The following CAST variants were observed in gnomAD, a reference collection of about 807,000 sequenced individuals.
CAST encodes calpastatin.
CAST carries 76 observed loss-of-function variants against 119.6 expected under a neutral mutation model. The observed-to-expected ratio is 0.64, with a 90% CI of 0.53 to 0.77. The LOEUF (loss-of-function observed/expected upper bound fraction) is 0.77. Among genes scored for constraint, CAST ranks in the 30% least tolerant of loss-of-function variants. The pLI is 0.00. For missense variants in CAST, 953 were observed against 946.5 expected, an observed-to-expected ratio of 1.01 and a Z score of -0.09; for synonymous variants, 319 against 331.6, an observed-to-expected ratio of 0.96 and a Z score of 0.41.
chr5:96,478,366 A>G, the CAST span, among the ~76,000 whole-genome samples: 1,084 of 152,372 alleles, frequency 7.1e-3, 8 homozygotes, highest in Non-Finnish European at 9.5e-3. Context: ...TAGTCCACCG[A>G]CATTGTATGA....
intron 1 of CAST, among the ~76,000 whole-genome samples, chr5:96,619,968 T>C (rs1309816885): frequency 6.6e-6 from 1 of 152,224 alleles, no homozygotes; most frequent in Non-Finnish European, 1.5e-5. Context: ...AGTTTCCACT[T>C]CTGTAAAATA....
At chr5:96,575,398 C>A (rs1229126198) in intron 1 of CAST, among the ~76,000 whole-genome samples, 1 of 151,960 alleles carries the variant, frequency 6.6e-6, no homozygotes, top group Non-Finnish European at 1.5e-5. Flanking sequence ...ATTTCTTTTT[C>A]TCAACTTATT....
chr5:96,628,388 G>A (rs1189081455), intron 1 of CAST, among the ~76,000 whole-genome samples: 1 of 152,224 alleles, frequency 6.6e-6, no homozygotes, highest in African/African-American at 2.4e-5. Context: ...TTCACATTGT[G>A]TAGATGAACT....
chr5:96,294,511 G>A, the CAST span, among the ~76,000 whole-genome samples: 1 of 152,144 alleles, frequency 6.6e-6, no homozygotes, highest in African/African-American at 2.4e-5. Flanking sequence ...GCTTTTCTCT[G>A]TCTACACAGA....
At chr5:96,079,281 A>G in the CAST span, 3 of 344,684 alleles carry the variant, frequency 8.7e-6, no homozygotes, top group South Asian at 7.1e-5. Flanking sequence ...CACTTACCAA[A>G]TGGCATCAGG....
chr5:96,362,343 A>G, the CAST span, among the ~76,000 whole-genome samples: 3 of 152,216 alleles, frequency 2.0e-5, no homozygotes, highest in Non-Finnish European at 4.4e-5. Flanking sequence ...CTTTGGGTAT[A>G]TCCCCAGTAA....
intron 2 of CAST, among the ~76,000 whole-genome samples, chr5:96,694,475 C>A (rs907499705): frequency 4.6e-5 from 7 of 152,006 alleles, no homozygotes; most frequent in Non-Finnish European, 1.0e-4. Flanking sequence ...ACTAAATATA[C>A]AAAAAATTAG....
At chr5:96,351,515 T>C in the CAST span, among the ~76,000 whole-genome samples, 1 of 152,260 alleles carries the variant, frequency 6.6e-6, no homozygotes, top group Admixed American at 6.5e-5. Context: ...GGAAATGTAT[T>C]ATAAGCAAGA....
At chr5:95,992,182 A>G in the CAST span, among the ~76,000 whole-genome samples, 1 of 152,226 alleles carries the variant, frequency 6.6e-6, no homozygotes, top group Non-Finnish European at 1.5e-5. Flanking sequence ...AAGGGAAATT[A>G]AAGAAAATTC....
At chr5:96,437,613 T>C in the CAST span, among the ~76,000 whole-genome samples, 1 of 152,214 alleles carries the variant, frequency 6.6e-6, no homozygotes, top group Non-Finnish European at 1.5e-5. Flanking sequence ...AGCTCCTTGC[T>C]TCTCAAAGTC....
chr5:96,514,273 C>T, the CAST span, among the ~76,000 whole-genome samples: 5 of 152,194 alleles, frequency 3.3e-5, no homozygotes, highest in South Asian at 1.0e-3. Flanking sequence ...GTAGGACAAA[C>T]AAATTAAGTA....
intron 2 of CAST, among the ~76,000 whole-genome samples, chr5:96,683,103 C>A (rs1420207063): frequency 3.9e-5 from 6 of 152,152 alleles, no homozygotes; most frequent in Admixed American, 1.3e-4. Context: ...TAGGTTGCCT[C>A]ATGAAGAGGA....
At chr5:96,282,152 A>C in the CAST span, among the ~76,000 whole-genome samples, 1 of 142,218 alleles carries the variant, frequency 7.0e-6, no homozygotes, top group East Asian at 2.4e-4. Context: ...CTCCAGGAGA[A>C]AAGCTATGTG....
At chr5:96,697,039 G>T (rs1000618240) in intron 3 of CAST, among the ~76,000 whole-genome samples, 1 of 151,520 alleles carries the variant, frequency 6.6e-6, no homozygotes, top group Non-Finnish European at 1.5e-5. Flanking sequence ...GTGGTGGTGC[G>T]CACCTGTAGT....
At chr5:96,179,898 G>C in the CAST span, among the ~76,000 whole-genome samples, 4 of 152,036 alleles carry the variant, frequency 2.6e-5, no homozygotes, top group African/African-American at 4.8e-5. Flanking sequence ...TTAGCCAGGC[G>C]TGGTGGCGGG....
chr5:96,217,278 T>G, the CAST span, among the ~76,000 whole-genome samples: 1 of 149,752 alleles, frequency 6.7e-6, no homozygotes, highest in African/African-American at 2.5e-5. Flanking sequence ...TGGCTTCAAG[T>G]GATCCTTCTG....
chr5:96,610,046 A>G (rs1747331344), intron 1 of CAST, among the ~76,000 whole-genome samples: 1 of 152,160 alleles, frequency 6.6e-6, no homozygotes, highest in Non-Finnish European at 1.5e-5. Context: ...CCTGGGAGGG[A>G]CACAGTGGGA....
the CAST span, among the ~76,000 whole-genome samples, chr5:96,444,424 C>A: frequency 6.6e-6 from 1 of 152,166 alleles, no homozygotes; most frequent in African/African-American, 2.4e-5. Context: ...GAATTATTCT[C>A]TCATTTTATC....
At chr5:96,234,383 T>C in the CAST span, among the ~76,000 whole-genome samples, 1 of 152,202 alleles carries the variant, frequency 6.6e-6, no homozygotes, top group South Asian at 2.1e-4. Context: ...GGAATGGCAT[T>C]GTAATATCTG....
Sources: gnomAD v4.1 joint callset for allele counts (sites outside exome capture counted in the v4.1 genomes callset) on GRCh38, gnomAD v4.1.1 for gene constraint, MANE v1.5 for transcripts, NCBI Gene and HGNC (gene_info 2026-07-23, HGNC 2026-07-21) for gene names.